The following CIAPIN1 variants were observed in gnomAD, a reference collection of about 807,000 sequenced individuals.
The protein encoded by CIAPIN1 is anamorsin.
A neutral mutation model predicts 34.3 loss-of-function variants in CIAPIN1; 18 were observed. The ratio of observed to expected loss-of-function variants is 0.52; its 90% confidence interval spans 0.36 to 0.78. The LOEUF (loss-of-function observed/expected upper bound fraction) is 0.78, where lower values mean the gene tolerates loss of function less well. Ranked by LOEUF, CIAPIN1 falls within the 30% of genes least tolerant of loss-of-function variation. The pLI is 0.00. For synonymous variants in CIAPIN1, 131 were observed against 140.4 expected (o/e 0.93, Z 0.47); for missense variants, 310 against 372.5 (o/e 0.83, Z 1.38).
chr16:57,436,972 A>C (rs112777051), intron 3 of CIAPIN1, among the ~76,000 whole-genome samples: 12,208 of 151,780 alleles, frequency 0.08, 638 homozygotes, highest in Non-Finnish European at 0.12. Context: ...AATACACACA[A>C]AAAAAATAGC....
In CIAPIN1 at chr16:57,429,096, G is replaced by A. The variant is rs1279048481; in HGVS notation, c.*74C>T. The A allele has an allele frequency of 5.5e-5, 56 of 1,009,034 alleles. No homozygotes were observed. Among genetic ancestry groups the A allele is most frequent in the Non-Finnish European group, 2.0e-5 (13 of 637,954 alleles). 62.5% of individuals were successfully genotyped at this position (1,009,034 alleles called of 1,614,324 possible). A position where few individuals can be genotyped will look rare whatever the true frequency, so the allele number is the denominator to read the frequency against. On this transcript the variant is annotated 3_prime_UTR_variant, in exon 9 of 9. Transcript: ENST00000394391. ...GAGTGAACAAATCCAGAGGAGGTGG[G>A]AGGAGCCACCATGGTGGGATGTGAG...
At chr16:57,445,688 T>C (rs2030023484) in intron 1 of CIAPIN1, among the ~76,000 whole-genome samples, 1 of 152,098 alleles carries the variant, frequency 6.6e-6, no homozygotes, top group South Asian at 2.1e-4. Flanking sequence ...TTTAGCAGAA[T>C]GGTAGGAAGG....
At position 57,441,013 on chromosome 16, in the gene CIAPIN1, G is replaced by A. The variant is rs957267222; in HGVS notation, c.-55-30C>T. 5.8e-6 allele frequency: 8 copies of A among 1,390,976 alleles called. No homozygotes were observed. The African/African-American group carries it at 7.3e-5, about 13-fold the overall frequency. 86.2% of individuals were successfully genotyped at this position (1,390,976 alleles called of 1,614,324 possible). A position where few individuals can be genotyped will look rare whatever the true frequency, so the allele number is the denominator to read the frequency against. On this transcript the variant is annotated intron_variant, in intron 1 of 8. Coordinates refer to ENST00000394391, the MANE Select transcript of CIAPIN1 (RefSeq NM_020313.4). ...GCAGAGACAAAGTGCAATTTAATCTGTGAGATATCATAAAATATGATTAGA... is the reference window on the plus strand; with the variant it reads ...GCAGAGACAAAGTGCAATTTAATCTATGAGATATCATAAAATATGATTAGA...
rs1903314086 is a variant in CIAPIN1, at chr16:57,440,816, T to C, written c.113A>G (p.Asn38Ser). The C allele has an allele frequency of 1.9e-6, 3 of 1,613,780 alleles. No individual in the cohort carries two copies. The highest frequency in any genetic ancestry group is 3.3e-5 in the Admixed American group (2 of 59,992). ...GTTTTCCACAGACACGCGGCCCTCA[T>C]TGCCGGTTAACGCTTGAAGCTTATC... ...LVDKLQALTG[N>S]EGRVSVENIK... The change falls in exon 2 of 9, where the codon AAT (asparagine) becomes AGT (serine). Residue 38 changes from asparagine (N) to serine (S), a missense_variant. By Grantham distance (46) the Asn-to-Ser change is conservative. Coordinates refer to ENST00000394391, the MANE Select transcript of CIAPIN1 (RefSeq NM_020313.4).
chr16:57,433,542 T>C (rs559461897), intron 5 of CIAPIN1: 220 of 180,440 alleles, frequency 1.2e-3, no homozygotes, highest in African/African-American at 4.1e-3. Context: ...TGTGTGTGTG[T>C]GCGTGCGCGT....
rs1903111062 is a variant in CIAPIN1 at position 57,432,533 on chromosome 16, G to A, written c.584C>T (p.Ala195Val). The A allele has an allele frequency of 6.2e-7, 1 of 1,613,080 alleles. No homozygotes were observed. The highest frequency in any genetic ancestry group is 1.3e-5 in the African/African-American group (1 of 75,010). Reference protein sequence around the residue: ...SVKPAVDPAAAKLWTLSANDM... With the variant: ...SVKPAVDPAAVKLWTLSANDM... Reference sequence around the variant, plus strand: ...GTTGGCTGAGAGGGTCCACAGCTTGGCAGCAGCAGGGTCCACAGCAGGTTT... The same window carrying A: ...GTTGGCTGAGAGGGTCCACAGCTTGACAGCAGCAGGGTCCACAGCAGGTTT... Residue 195 changes from alanine (A) to valine (V), a missense_variant, in exon 6 of 9, where the codon GCC (alanine) becomes GTC (valine). Ala to Val is a moderately conservative substitution (Grantham distance 64). Coordinates refer to ENST00000394391, the MANE Select transcript of CIAPIN1 (RefSeq NM_020313.4).
intron 1 of CIAPIN1, 149 bp from the exon 2 acceptor site, chr16:57,441,132 T>C (rs1199343711): frequency 4.9e-6 from 2 of 408,700 alleles, no homozygotes; most frequent in Non-Finnish European, 8.6e-6. Flanking sequence ...ATGAACCCCA[T>C]TATCTCAAGT....
chr16:57,441,186 G>C (rs754231654), intron 1 of CIAPIN1: 19 of 287,640 alleles, frequency 6.6e-5, no homozygotes, highest in Non-Finnish European at 3.2e-5. Context: ...TAGCTTCCTT[G>C]GTGAGAATCC....
intron 2 of CIAPIN1, among the ~76,000 whole-genome samples, chr16:57,439,850 C>A (rs568405482): frequency 6.6e-6 from 1 of 152,096 alleles, no homozygotes; most frequent in Non-Finnish European, 1.5e-5. Context: ...GTGATGATTG[C>A]GTTAACTGCA....
At chr16:57,431,033 T>G in intron 7 of CIAPIN1, 118 bp downstream of exon 7, 2 of 591,098 alleles carry the variant, frequency 3.4e-6, no homozygotes, top group South Asian at 2.6e-5. Flanking sequence ...GCAGAGATGG[T>G]CTCCCTGTGT....
intron 6 of CIAPIN1, 62 bp downstream of exon 6, chr16:57,432,425 G>T: frequency 6.9e-7 from 1 of 1,440,326 alleles, no homozygotes; most frequent in Non-Finnish European, 9.8e-7. Context: ...GGTCACTATA[G>T]CTGTTCACAC....
intron 2 of CIAPIN1, 142 bp from the exon 3 acceptor site, chr16:57,439,476 G>GT: frequency 2.6e-6 from 2 of 779,826 alleles, no homozygotes; most frequent in Non-Finnish European, 4.1e-6. Context: ...TGGATGAATA[G>GT]TAAGTGTTTT....
At chr16:57,444,409 G>C (rs1398968048) in intron 1 of CIAPIN1, among the ~76,000 whole-genome samples, 1 of 152,202 alleles carries the variant, frequency 6.6e-6, no homozygotes, top group East Asian at 1.9e-4. Context: ...TCTGTGGCTA[G>C]TTTACCTGCC....
chr16:57,440,973 G>A lies in CIAPIN1; in HGVS notation c.-45C>T. On this transcript the variant is annotated 5_prime_UTR_variant, in exon 2 of 9. Coordinates refer to ENST00000394391, the MANE Select transcript of CIAPIN1 (RefSeq NM_020313.4). Reference sequence around the variant, plus strand: ...CAGACCTAAAAACTGCTGGCCAAAAGGGAATCAAGACTGGGCAGAGACAAA... The same window carrying A: ...CAGACCTAAAAACTGCTGGCCAAAAAGGAATCAAGACTGGGCAGAGACAAA... 6.3e-7 allele frequency: 1 copy of A among 1,589,800 alleles called. No individual in the cohort carries two copies. Among genetic ancestry groups the A allele is most frequent in the Non-Finnish European group, 8.5e-7 (1 of 1,169,934 alleles).
intron 1 of CIAPIN1, chr16:57,441,480 C>A (rs1425510051): frequency 6.6e-6 from 1 of 152,462 alleles, no homozygotes; most frequent in Middle Eastern, 3.1e-3. Context: ...TCCACTGAAT[C>A]TGCAGTGATC....
chr16:57,435,907 T>C (rs1241658386), intron 4 of CIAPIN1, among the ~76,000 whole-genome samples: 2 of 152,106 alleles, frequency 1.3e-5, no homozygotes, highest in Non-Finnish European at 2.9e-5. Context: ...TCCAAGAAAA[T>C]TTTAAGATCA....
intron 7 of CIAPIN1, chr16:57,430,632 C>A: frequency 2.8e-6 from 1 of 353,530 alleles, no homozygotes; most frequent in Non-Finnish European, 5.1e-6. Flanking sequence ...TTTCCAAATT[C>A]AAGAACAGAA....
intron 3 of CIAPIN1, 57 bp downstream of exon 3, chr16:57,439,125 C>T: frequency 6.3e-7 from 1 of 1,585,106 alleles, no homozygotes; most frequent in Non-Finnish European, 8.6e-7. Flanking sequence ...AGATGCAGCA[C>T]ACATACTCTA....
In CIAPIN1 at chr16:57,442,909, C is replaced by T. The variant is rs559008622; in HGVS notation, c.-55-1926G>A. 3.3e-5 allele frequency among the ~76,000 whole-genome samples: 5 copies of T among 152,160 alleles called. No individual in the cohort carries two copies. In the South Asian group the frequency reaches 1.0e-3, roughly 32 times the overall value. On this transcript the variant is annotated intron_variant, in intron 1 of 8. Coordinates refer to ENST00000394391, the MANE Select transcript of CIAPIN1 (RefSeq NM_020313.4). ...ATCTCCCACCATTCCAAAGTGATCC[C>T]TCCTTATTCTATGAAAACCCTTTGC...
Sources: gnomAD v4.1 joint callset for allele counts (sites outside exome capture counted in the v4.1 genomes callset) on GRCh38, gnomAD v4.1.1 for gene constraint, MANE v1.5 for transcripts, NCBI Gene and HGNC (gene_info 2026-07-23, HGNC 2026-07-21) for gene names.